The following ZNF106 variants were observed in gnomAD, a reference collection of about 807,000 sequenced individuals.
ZNF106 encodes zinc finger protein 106.
In ZNF106, 67 loss-of-function variants were observed where a neutral mutation model predicts 195.1. That is an observed-to-expected ratio of 0.34 (90% CI 0.28 to 0.42). ZNF106 has a LOEUF of 0.42. Among genes scored for constraint, ZNF106 ranks in the 10% least tolerant of loss-of-function variants. The probability of loss-of-function intolerance (pLI) is 1.00; values close to 1 mark genes in which losing one functional copy is unlikely to be tolerated. For synonymous variants in ZNF106, 784 were observed against 818.6 expected (o/e 0.96, Z 0.72); for missense variants, 2,118 against 2,304.5 (o/e 0.92, Z 1.66).
rs1182956059 is a variant in ZNF106, at chr15:42,450,766, A to G, written c.1506T>C (p.Asn502=). 1.2e-6 allele frequency: 2 copies of G among 1,614,104 alleles called. No homozygotes were observed. Among genetic ancestry groups the G allele is most frequent in the South Asian group, 2.2e-5 (2 of 91,076 alleles). The stretch of plus-strand genomic sequence containing the variant: ...TTGAGTGTTCTCCAGGGGAAAAAAA[A>G]TTTGTTTTGGTGTTTTTTGAGATAT... The part of the protein sequence containing the change: ...PKNISKNTKT[N]FFSPGEHSNP... The change falls in exon 5 of 22, where the codon AAT becomes AAC. Residue 502 remains asparagine, a synonymous_variant. Coordinates refer to ENST00000564754, the MANE Select transcript of ZNF106 (RefSeq NM_001366845.3).
In ZNF106 at chr15:42,422,590, G is replaced by A; in HGVS notation, c.5284C>T (p.His1762Tyr). The change falls in exon 18 of 22, where the codon CAC (histidine) becomes TAC (tyrosine). Residue 1762 changes from histidine (H) to tyrosine (Y), a missense_variant. Transcript: ENST00000564754. ...TTCACCACAGTCACTGCATGATTGT[G>A]ACCTTTATAGATCCGCACGAGCTCA... is the stretch of plus-strand genomic sequence containing the variant. ...TGELVRIYKG[H>Y]NHAVTVVNIL... 1 of 1,613,222 alleles carries A rather than the reference G, an allele frequency of 6.2e-7. No homozygotes were observed. Among genetic ancestry groups the A allele is most frequent in the Non-Finnish European group, 8.5e-7 (1 of 1,179,856 alleles).
At chr15:42,478,922 G>A (rs1010384335) in intron 1 of ZNF106, among the ~76,000 whole-genome samples, 5 of 152,116 alleles carry the variant, frequency 3.3e-5, no homozygotes, top group Admixed American at 2.6e-4. Context: ...GGCCATGACA[G>A]TTATCCCACA....
intron 12 of ZNF106, among the ~76,000 whole-genome samples, chr15:42,437,914 A>AG (rs2055347427): frequency 6.6e-6 from 1 of 152,024 alleles, no homozygotes; most frequent in Non-Finnish European, 1.5e-5. Context: ...AAAAAAAAAA[A>AG]AAAAAGAAAA....
chr15:42,434,557 G>A (rs1456671538), intron 14 of ZNF106, among the ~76,000 whole-genome samples: 3 of 152,036 alleles, frequency 2.0e-5, no homozygotes, highest in African/African-American at 7.2e-5. Context: ...TTATGTTCCT[G>A]TTATCACATA....
chr15:42,463,577 TA>T (rs1160038344), intron 3 of ZNF106, among the ~76,000 whole-genome samples: 1 of 151,772 alleles, frequency 6.6e-6, no homozygotes, highest in Non-Finnish European at 1.5e-5. Flanking sequence ...ACTCTGTCTT[TA>T]CAAAAAATAA....
intron 3 of ZNF106, among the ~76,000 whole-genome samples, chr15:42,457,989 A>G (rs1379595652): frequency 6.6e-6 from 1 of 152,152 alleles, no homozygotes; most frequent in East Asian, 1.9e-4. Context: ...ATCAGTGTCC[A>G]CAGCTGTAGC....
At chr15:42,461,108 T>A (rs2056382425) in intron 3 of ZNF106, among the ~76,000 whole-genome samples, 1 of 152,198 alleles carries the variant, frequency 6.6e-6, no homozygotes, top group African/African-American at 2.4e-5. Context: ...AGCCACATCT[T>A]CTGAAAATTC....
intron 2 of ZNF106, among the ~76,000 whole-genome samples, chr15:42,471,439 A>C (rs1482496805): frequency 6.6e-6 from 1 of 152,200 alleles, no homozygotes; most frequent in Non-Finnish European, 1.5e-5. Flanking sequence ...GGTCCTAAAA[A>C]GATGTTTTGG....
intron 8 of ZNF106, 98 bp downstream of exon 8, chr15:42,444,729 T>G: frequency 6.7e-7 from 1 of 1,488,854 alleles, no homozygotes; most frequent in Non-Finnish European, 9.1e-7. Context: ...GAAACTCCCC[T>G]GCCATTGCTT....
At chr15:42,490,815 C>A (rs1201679465) in intron 1 of ZNF106, among the ~76,000 whole-genome samples, 165 bp downstream of exon 1, 1 of 152,332 alleles carries the variant, frequency 6.6e-6, no homozygotes. Flanking sequence ...GCCCATAAAC[C>A]CGCGCCGGCT....
At position 42,451,006 on chromosome 15, in the gene ZNF106, A is replaced by G; in HGVS notation, c.1266T>C (p.Asn422=). The G allele has an allele frequency of 6.2e-7, 1 of 1,614,182 alleles. No homozygotes were observed. The highest frequency in any genetic ancestry group is 1.1e-5 in the South Asian group (1 of 91,080). Residue 422 remains asparagine, a synonymous_variant, in exon 5 of 22, where the codon AAT becomes AAC. Transcript: ENST00000564754. The part of the protein sequence containing the change: ...IQEPQTDETR[N]SPTQKTQKEI... ...CTTTTTGTGTTTTCTGTGTTGGGGA[A>G]TTACGTGTTTCATCAGTTTGGGGCT...
intron 1 of ZNF106, among the ~76,000 whole-genome samples, chr15:42,474,415 T>C (rs886239345): frequency 6.6e-6 from 1 of 152,192 alleles, no homozygotes; most frequent in Non-Finnish European, 1.5e-5. Context: ...CAAATGGAAC[T>C]ATCCATCTTG....
chr15:42,424,438 A>C, intron 16 of ZNF106: 1 of 271,542 alleles, frequency 3.7e-6, no homozygotes, highest in Non-Finnish European at 7.0e-6. Flanking sequence ...GGTGCTTCTA[A>C]ATGATGCATG....
At chr15:42,490,609 T>G (rs566241426) in intron 1 of ZNF106, among the ~76,000 whole-genome samples, 1 of 151,718 alleles carries the variant, frequency 6.6e-6, no homozygotes, top group African/African-American at 2.4e-5. Flanking sequence ...TCGCGAGAGG[T>G]TGAAATGTGT....
rs749730845 is a variant in ZNF106 at position 42,435,390 on chromosome 15, A to G, written c.4875T>C (p.Asn1625=). Residue 1625 remains asparagine (N), a synonymous_variant, in exon 14 of 22, where the codon AAT becomes AAC. Coordinates refer to ENST00000564754, the MANE Select transcript of ZNF106 (RefSeq NM_001366845.3). ...GSSDHTIRCY[N]VKSRECVEQL... ...TTTCTCTGGACCCACCTACCTTAAC[A>G]TTATAGCAGCGGATGGTATGGTCAC... 5.0e-6 allele frequency: 8 copies of G among 1,614,030 alleles called. No individual in the cohort carries two copies. The highest frequency in any genetic ancestry group is 1.6e-4 in the Middle Eastern group (1 of 6,084).
At chr15:42,423,447 G>A (rs1370996550) in intron 17 of ZNF106, among the ~76,000 whole-genome samples, 1 of 151,856 alleles carries the variant, frequency 6.6e-6, no homozygotes, top group Non-Finnish European at 1.5e-5. Flanking sequence ...TGCAATCACA[G>A]CTCACTGCAG....
At chr15:42,438,811 C>G in intron 11 of ZNF106, 144 bp from the exon 12 acceptor site, 1 of 902,318 alleles carries the variant, frequency 1.1e-6, no homozygotes, top group Middle Eastern at 2.4e-4. Context: ...TCTGAAATTT[C>G]TTAATGAAGG....
At chr15:42,446,712 A>G in intron 6 of ZNF106, 54 bp from the exon 7 acceptor site, 1 of 1,436,756 alleles carries the variant, frequency 7.0e-7, no homozygotes, top group Non-Finnish European at 9.5e-7. Context: ...CCATTATCCA[A>G]GAGGAGAAAA....
At chr15:42,418,357 CTTT>C (rs540271844) in intron 20 of ZNF106, among the ~76,000 whole-genome samples, 4 of 122,868 alleles carry the variant, frequency 3.3e-5, no homozygotes, top group Non-Finnish European at 6.7e-5. Flanking sequence ...ATCGAAAGGG[CTTT>C]TTTTTTTTTT....
Sources: allele counts gnomAD v4.1 joint callset (sites outside exome capture counted in the v4.1 genomes callset), GRCh38; gene constraint gnomAD v4.1.1; transcripts MANE v1.5; gene names NCBI Gene and HGNC (gene_info 2026-07-23, HGNC 2026-07-21).